Variants in TENM2 observed in about 807,000 individuals in gnomAD.
TENM2 encodes teneurin transmembrane protein 2, also known as teneurin-2.
TENM2 carries 52 observed loss-of-function variants against 245.2 expected under a neutral mutation model. The observed-to-expected ratio is 0.21, with a 90% CI of 0.17 to 0.27. The LOEUF (loss-of-function observed/expected upper bound fraction) is 0.27, where lower values mean the gene tolerates loss of function less well. Among genes scored for constraint, TENM2 ranks in the 10% least tolerant of loss-of-function variants. The pLI is 1.00. For missense variants in TENM2, 3,046 were observed against 3,666.8 expected (o/e 0.83, Z 4.37); for synonymous variants, 1,363 against 1,438.9 (o/e 0.95, Z 1.19).
chr5:167,574,184 G>C (rs930925070), intron 2 of TENM2, among the ~76,000 whole-genome samples: 1 of 152,196 alleles, frequency 6.6e-6, no homozygotes, highest in Non-Finnish European at 1.5e-5. Context: ...ATGAATTAGA[G>C]CATGCAGCAA....
At chr5:167,863,170 T>G (rs1771981936) in intron 2 of TENM2, among the ~76,000 whole-genome samples, 1 of 152,210 alleles carries the variant, frequency 6.6e-6, no homozygotes, top group Non-Finnish European at 1.5e-5. Context: ...GATGGTATTG[T>G]TGGAAGGATT....
At chr5:167,282,276 T>C (rs192064060), upstream of TENM2, among the ~76,000 whole-genome samples, 12 of 152,250 alleles carry the variant, frequency 7.9e-5, no homozygotes, top group East Asian at 2.1e-3. Context: ...GGCTCCTCAG[T>C]GTTGGTACAC....
intron 2 of TENM2, among the ~76,000 whole-genome samples, chr5:167,454,704 A>G (rs932133417): frequency 7.9e-5 from 12 of 152,114 alleles, no homozygotes; most frequent in African/African-American, 2.2e-4. Flanking sequence ...CTTTTCTTCC[A>G]GGTTGACCTT....
the TENM2 span, among the ~76,000 whole-genome samples, chr5:167,135,662 A>G: frequency 6.6e-6 from 1 of 152,122 alleles, no homozygotes; most frequent in Non-Finnish European, 1.5e-5. Context: ...CTGTAGTCCC[A>G]GCTACTCAGG....
chr5:167,098,195 A>T, the TENM2 span, among the ~76,000 whole-genome samples: 1 of 152,230 alleles, frequency 6.6e-6, no homozygotes, highest in Non-Finnish European at 1.5e-5. Flanking sequence ...CATGATAAAT[A>T]ACATGTGTGT....
At chr5:167,599,506 A>G (rs1776458999) in intron 2 of TENM2, among the ~76,000 whole-genome samples, 1 of 152,198 alleles carries the variant, frequency 6.6e-6, no homozygotes, top group South Asian at 2.1e-4. Flanking sequence ...GATCAGTTTG[A>G]TTCCATTGGG....
rs1178739925 is a variant in TENM2 at position 167,807,124 on chromosome 5, T to TAAAAAAAAAAAAAAAA, written c.503-68845_503-68830dup. The stretch of plus-strand genomic sequence containing the variant: ...ACAGTTTGGCCCAAAGCCCCTAGGT[T>TAAAAAAAAAAAAAAAA]AAAAAAAAAAAAAAAAAAAAAAAAA... On this transcript the variant is annotated intron_variant, in intron 2 of 28. Transcript: ENST00000518659. Among the ~76,000 whole-genome samples the TAAAAAAAAAAAAAAAA allele has an allele frequency of 6.5e-4, 32 of 49,082 alleles. 2 individuals carry two copies. Among genetic ancestry groups the TAAAAAAAAAAAAAAAA allele is most frequent in the East Asian group, 2.4e-3 (3 of 1,244 alleles). The allele number at this position is 49,082 out of a possible 152,430, so 32.2% of individuals were successfully genotyped here.
In TENM2 at chr5:167,926,295, CAT is replaced by C. The variant is rs751339678; in HGVS notation, c.713-26281_713-26280del. ...TGTTGAATTCCTCTCTGTTGTTTTG[CAT>C]ATATATATATAATTAAATACTCCTC... On this transcript the variant is annotated intron_variant, in intron 3 of 28. Coordinates refer to ENST00000518659, the Ensembl canonical transcript of TENM2. Among the ~76,000 whole-genome samples, 9 of 151,424 alleles carry C rather than the reference CAT, an allele frequency of 5.9e-5. No individual in the cohort carries two copies. The East Asian group carries it at 1.7e-3, about 29-fold the overall frequency.
At chr5:167,131,556 TTAG>T in the TENM2 span, among the ~76,000 whole-genome samples, 1 of 152,168 alleles carries the variant, frequency 6.6e-6, no homozygotes, top group Admixed American at 6.5e-5. Flanking sequence ...AGCTGCTTCC[TTAG>T]GGGAACCCCT....
At chr5:167,103,133 C>A in the TENM2 span, among the ~76,000 whole-genome samples, 1 of 152,196 alleles carries the variant, frequency 6.6e-6, no homozygotes, top group Non-Finnish European at 1.5e-5. Context: ...AAGTCAAAGA[C>A]CTTGTTCAAG....
At chr5:167,032,063 C>T in the TENM2 span, among the ~76,000 whole-genome samples, 2 of 151,922 alleles carry the variant, frequency 1.3e-5, no homozygotes, top group Admixed American at 6.6e-5. Flanking sequence ...AATGTTTTTT[C>T]GGAATTCCAC....
intron 2 of TENM2, among the ~76,000 whole-genome samples, chr5:167,834,712 C>T (rs1171438732): frequency 3.4e-5 from 5 of 149,014 alleles, no homozygotes; most frequent in African/African-American, 5.0e-5. Flanking sequence ...TGCAGTGGCG[C>T]GATCTCGGCT....
chr5:167,963,084 G>A (rs1031622277), intron 4 of TENM2, among the ~76,000 whole-genome samples: 2 of 152,106 alleles, frequency 1.3e-5, no homozygotes, highest in Non-Finnish European at 2.9e-5. Flanking sequence ...ATACAGTAAT[G>A]GAAGTCTAAA....
the TENM2 span, among the ~76,000 whole-genome samples, chr5:167,238,554 C>T: frequency 1.3e-5 from 2 of 152,170 alleles, no homozygotes; most frequent in African/African-American, 2.4e-5. Context: ...GTGAGTTCTA[C>T]AGCCTCTGAG....
chr5:167,580,586 C>T (rs1207579621), intron 2 of TENM2, among the ~76,000 whole-genome samples: 1 of 152,242 alleles, frequency 6.6e-6, no homozygotes, highest in Non-Finnish European at 1.5e-5. Context: ...GGAAGTGGAG[C>T]TGGCCTTGCC....
the TENM2 span, among the ~76,000 whole-genome samples, chr5:167,122,616 T>C: frequency 1.7e-4 from 26 of 152,174 alleles, no homozygotes; most frequent in African/African-American, 6.3e-4. Context: ...TGGTGACCTT[T>C]GATGGTTAAT....
At chr5:167,035,753 T>C in the TENM2 span, among the ~76,000 whole-genome samples, 1 of 152,184 alleles carries the variant, frequency 6.6e-6, no homozygotes. Flanking sequence ...TATTTTTATT[T>C]ATTTAAGACA....
upstream of TENM2, among the ~76,000 whole-genome samples, chr5:167,283,579 AGGGGT>A (rs1389849879): frequency 1.3e-5 from 2 of 152,216 alleles, no homozygotes; most frequent in African/African-American, 4.8e-5. Flanking sequence ...GGAAGAGCAG[AGGGGT>A]TCAAAACTAT....
At chr5:167,402,863 A>G (rs559501147) in intron 2 of TENM2, among the ~76,000 whole-genome samples, 2 of 152,142 alleles carry the variant, frequency 1.3e-5, no homozygotes, top group East Asian at 3.9e-4. Flanking sequence ...TGCCTAATTC[A>G]CTCTTGGGTG....
Sources: gnomAD v4.1 joint callset for allele counts (sites outside exome capture counted in the v4.1 genomes callset) on GRCh38, gnomAD v4.1.1 for gene constraint, MANE v1.5 for transcripts, NCBI Gene and HGNC (gene_info 2026-07-23, HGNC 2026-07-21) for gene names.